Variants in UNC80 observed in about 807,000 individuals in gnomAD.
UNC80 encodes protein unc-80 homolog.
A neutral mutation model predicts 384.6 loss-of-function variants in UNC80; 164 were observed. The observed-to-expected ratio is 0.43, with a 90% CI of 0.38 to 0.49. UNC80 has a LOEUF of 0.49. Ranked by LOEUF, UNC80 falls within the 20% of genes least tolerant of loss-of-function variation. The probability of loss-of-function intolerance (pLI) is 0.00; values close to 1 mark genes in which losing one functional copy is unlikely to be tolerated. For synonymous variants in UNC80, 1,486 were observed against 1,527.8 expected, an observed-to-expected ratio of 0.97 and a Z score of 0.64; for missense variants, 3,330 against 4,143.0, an observed-to-expected ratio of 0.80 and a Z score of 5.39.
At chr2:209,939,987 C>G (rs1575087039) in intron 43 of UNC80, among the ~76,000 whole-genome samples, 1 of 152,136 alleles carries the variant, frequency 6.6e-6, no homozygotes, top group South Asian at 2.1e-4. Flanking sequence ...GCCCCACGCT[C>G]CACCTCCGGG....
chr2:209,857,712 A>T (rs1303245842), intron 22 of UNC80, among the ~76,000 whole-genome samples: 2 of 152,126 alleles, frequency 1.3e-5, no homozygotes, highest in African/African-American at 4.8e-5. Context: ...TCTAAGTACT[A>T]CTTTAACTGC....
chr2:209,820,124 G>A (rs372922462), intron 12 of UNC80, among the ~76,000 whole-genome samples, 187 bp from the exon 13 acceptor site: 14 of 152,170 alleles, frequency 9.2e-5, no homozygotes, highest in East Asian at 3.9e-4. Context: ...TGACTTACAC[G>A]CTCTATTAAG....
At chr2:209,946,733 TG>T (rs764836304) in intron 47 of UNC80, among the ~76,000 whole-genome samples, 5 of 152,200 alleles carry the variant, frequency 3.3e-5, no homozygotes, top group Non-Finnish European at 7.3e-5. Flanking sequence ...ATGTTGGCTC[TG>T]GTCTGAGATT....
At chr2:209,924,172 A>G (rs2090255352) in intron 35 of UNC80, among the ~76,000 whole-genome samples, 1 of 152,144 alleles carries the variant, frequency 6.6e-6, no homozygotes, top group African/African-American at 2.4e-5. Flanking sequence ...CGGGTTTCTT[A>G]TATGTCTCAT....
At chr2:209,955,826 C>T (rs533547010) in intron 48 of UNC80, among the ~76,000 whole-genome samples, 3 of 149,840 alleles carry the variant, frequency 2.0e-5, no homozygotes, top group Non-Finnish European at 3.0e-5. Flanking sequence ...TCACTGCAAC[C>T]TCCGCCTCCC....
intron 43 of UNC80, among the ~76,000 whole-genome samples, chr2:209,939,995 G>A (rs1357100368): frequency 6.6e-6 from 1 of 152,060 alleles, no homozygotes; most frequent in African/African-American, 2.4e-5. Context: ...CTCCACCTCC[G>A]GGTTTCAGGA....
At chr2:209,901,916 A>G (rs1162627478) in intron 28 of UNC80, among the ~76,000 whole-genome samples, 1 of 149,562 alleles carries the variant, frequency 6.7e-6, no homozygotes, top group African/African-American at 2.4e-5. Context: ...GCAACACAGC[A>G]AGACTCTGTC....
intron 59 of UNC80, among the ~76,000 whole-genome samples, chr2:209,979,205 C>T (rs746664874): frequency 3.3e-5 from 5 of 152,120 alleles, no homozygotes; most frequent in African/African-American, 7.2e-5. Context: ...GCCAAGATCG[C>T]GCCAATGCAC....
chr2:209,832,465 A>T (rs114028955), intron 16 of UNC80, among the ~76,000 whole-genome samples: 1,549 of 152,304 alleles, frequency 0.01, 26 homozygotes, highest in African/African-American at 0.035. Flanking sequence ...TCTGTTAGAT[A>T]TTATGACTCC....
chr2:209,941,533 C>G (rs1240983624), intron 44 of UNC80, 44 bp downstream of exon 44: 1 of 1,465,994 alleles, frequency 6.8e-7, no homozygotes, highest in Non-Finnish European at 9.1e-7. Flanking sequence ...AACATGAGTA[C>G]TGCTCATATC....
At chr2:209,971,464 CAAAAAAAAAA>C (rs35804573) in intron 54 of UNC80, among the ~76,000 whole-genome samples, 2 of 133,782 alleles carry the variant, frequency 1.5e-5, no homozygotes, top group Admixed American at 7.6e-5. Flanking sequence ...ATTCCCAAGG[CAAAAAAAAAA>C]AAAAAAAATT....
chr2:209,946,518 C>T (rs188827357), intron 47 of UNC80, among the ~76,000 whole-genome samples: 108 of 152,244 alleles, frequency 7.1e-4, no homozygotes, highest in Non-Finnish European at 1.1e-3. Flanking sequence ...GGTATTTAGT[C>T]TTGTTAGAAA....
chr2:209,789,659 T>G (rs1360560655), intron 6 of UNC80, 54 bp downstream of exon 6: 2 of 1,304,230 alleles, frequency 1.5e-6, no homozygotes, highest in Admixed American at 1.8e-5. Flanking sequence ...TTGGACATAG[T>G]GTAGTGTGAA....
In UNC80 at chr2:209,872,528, T is replaced by C. The variant is rs2084387278; in HGVS notation, c.3628-230T>C. Among the ~76,000 whole-genome samples the C allele has an allele frequency of 6.6e-6, 1 of 152,138 alleles. No individual in the cohort carries two copies. Among genetic ancestry groups the C allele is most frequent in the South Asian group, 2.1e-4 (1 of 4,828 alleles). On this transcript the variant is annotated intron_variant, in intron 22 of 64. Transcript: ENST00000673920. The surrounding 1 kb of genome is among the most constrained non-coding windows in gnomAD (Gnocchi z 4.1). ...AGAAGGAGAAAGCAACACAGAAACC[T>C]ACCTAAAATGTCTAATCCTTCAAGA...
chr2:209,982,443 A>G, intron 60 of UNC80, 126 bp downstream of exon 60: 1 of 1,213,916 alleles, frequency 8.2e-7, no homozygotes, highest in Non-Finnish European at 1.1e-6. Context: ...TAGATAGATC[A>G]TTCCACAAAG....
intron 53 of UNC80, 189 bp downstream of exon 53, chr2:209,970,080 C>G: frequency 1.5e-6 from 1 of 685,292 alleles, no homozygotes; most frequent in Non-Finnish European, 2.4e-6. Flanking sequence ...AGGAACCCAT[C>G]CCTACACAGA....
intron 60 of UNC80, 84 bp downstream of exon 60, chr2:209,982,401 A>T: frequency 7.1e-7 from 1 of 1,401,546 alleles, no homozygotes; most frequent in Non-Finnish European, 9.4e-7. Flanking sequence ...TTCTACAAAG[A>T]CAGAAAGAGA....
chr2:209,865,819 T>C (rs1202074833), intron 22 of UNC80, among the ~76,000 whole-genome samples: 1 of 152,216 alleles, frequency 6.6e-6, no homozygotes, highest in Non-Finnish European at 1.5e-5. Context: ...GACAATCAAT[T>C]GGCAGTAGAT....
Position 209,775,084 on chromosome 2 carries a change from C to A in UNC80, c.142-805C>A, listed in dbSNP as rs186765607. 3.9e-5 allele frequency among the ~76,000 whole-genome samples: 6 copies of A among 152,158 alleles called. No individual in the cohort carries two copies. The East Asian group carries it at 1.2e-3, about 29-fold the overall frequency. ...ATGCCAAATGTTTATTAAATTTATT[C>A]CAATATTTCGTAACTACATTTTCTC... On this transcript the variant is annotated intron_variant, in intron 2 of 64. Coordinates refer to ENST00000673920, the MANE Select transcript of UNC80 (RefSeq NM_001371986.1).
Sources: gnomAD v4.1 joint callset for allele counts (sites outside exome capture counted in the v4.1 genomes callset) on GRCh38, gnomAD v4.1.1 for gene constraint, Gnocchi (gnomAD v3.1) non-coding constraint, MANE v1.5 for transcripts, NCBI Gene and HGNC (gene_info 2026-07-23, HGNC 2026-07-21) for gene names.